Variants in NKAIN2 observed in about 807,000 individuals in gnomAD.
NKAIN2 encodes the protein sodium/potassium-transporting ATPase subunit beta-1-interacting protein 2.
In NKAIN2, 14 loss-of-function variants were observed where a neutral mutation model predicts 32.6. That is an observed-to-expected ratio of 0.43 (90% CI 0.28 to 0.67). The LOEUF (loss-of-function observed/expected upper bound fraction) is 0.67. NKAIN2 is among the 30% of genes least tolerant of loss of function. The pLI, the probability that NKAIN2 is intolerant of heterozygous loss-of-function variation, is 0.17. For synonymous variants in NKAIN2, 80 were observed against 87.2 expected (o/e 0.92, Z 0.46); for missense variants, 198 against 258.3 (o/e 0.77, Z 1.60).
chr6:124,625,114 GC>G (rs74452657), intron 3 of NKAIN2, among the ~76,000 whole-genome samples: 5 of 141,410 alleles, frequency 3.5e-5, no homozygotes, highest in Admixed American at 7.2e-5. Context: ...ATCTGTGTTT[GC>G]CCCCTGTCTT....
chr6:124,818,209 G>A (rs536156288), intron 5 of NKAIN2, among the ~76,000 whole-genome samples, 178 bp from the exon 6 acceptor site: 4 of 152,042 alleles, frequency 2.6e-5, no homozygotes, highest in Non-Finnish European at 4.4e-5. Flanking sequence ...GGGGGGCAGC[G>A]GAATCACTAC....
intron 4 of NKAIN2, among the ~76,000 whole-genome samples, chr6:124,708,747 A>G (rs887101361): frequency 9.2e-5 from 14 of 152,092 alleles, no homozygotes; most frequent in African/African-American, 1.7e-4. Context: ...GGCTGAGACA[A>G]TGGGGTTTTC....
chr6:124,345,965 G>C (rs1296352289), intron 2 of NKAIN2, among the ~76,000 whole-genome samples: 1 of 151,860 alleles, frequency 6.6e-6, no homozygotes, highest in Non-Finnish European at 1.5e-5. Context: ...TCTCTTCTGG[G>C]CATTTAGGGC....
intron 4 of NKAIN2, among the ~76,000 whole-genome samples, chr6:124,736,031 G>C (rs1240377522): frequency 1.3e-5 from 2 of 151,902 alleles, no homozygotes; most frequent in Non-Finnish European, 2.9e-5. Flanking sequence ...AGTCAAAACA[G>C]GATGAAAGCT....
At chr6:124,433,959 C>G (rs959477448) in intron 3 of NKAIN2, among the ~76,000 whole-genome samples, 2 of 152,152 alleles carry the variant, frequency 1.3e-5, no homozygotes. Context: ...TCACTGTCCT[C>G]CATTCTCATA....
intron 3 of NKAIN2, among the ~76,000 whole-genome samples, chr6:124,413,307 G>A (rs1774302174): frequency 6.6e-6 from 1 of 152,180 alleles, no homozygotes; most frequent in African/African-American, 2.4e-5. Context: ...TAAGTATGCA[G>A]ATTTTCAATT....
chr6:124,597,578 A>G (rs762695546), intron 3 of NKAIN2, among the ~76,000 whole-genome samples: 5 of 152,078 alleles, frequency 3.3e-5, no homozygotes, highest in East Asian at 1.9e-4. Flanking sequence ...ATTTGCTGCA[A>G]TGGAAAATGC....
chr6:124,672,598 G>A (rs141382132), intron 4 of NKAIN2, among the ~76,000 whole-genome samples: 1 of 152,138 alleles, frequency 6.6e-6, no homozygotes, highest in African/African-American at 2.4e-5. Flanking sequence ...CAGTTAGATT[G>A]ATCATTCATG....
intron 1 of NKAIN2, among the ~76,000 whole-genome samples, chr6:124,277,429 G>A (rs770098738): frequency 5.1e-5 from 3 of 58,820 alleles, no homozygotes; most frequent in Non-Finnish European, 8.5e-5. Context: ...TCTGTGTGTC[G>A]TGTGTGTGTG....
chr6:124,000,477 A>G (rs1779833787), intron 1 of NKAIN2, among the ~76,000 whole-genome samples: 1 of 152,084 alleles, frequency 6.6e-6, no homozygotes, highest in Non-Finnish European at 1.5e-5. Context: ...GAACTAACCA[A>G]TATACTTCAT....
At chr6:123,926,096 C>A (rs979596127) in intron 1 of NKAIN2, among the ~76,000 whole-genome samples, 1 of 152,132 alleles carries the variant, frequency 6.6e-6, no homozygotes, top group Non-Finnish European at 1.5e-5. Context: ...GGGCTATAAC[C>A]TCATGGCCTA....
intron 2 of NKAIN2, among the ~76,000 whole-genome samples, chr6:124,289,500 A>T (rs916281595): frequency 2.0e-5 from 3 of 152,206 alleles, no homozygotes; most frequent in Non-Finnish European, 4.4e-5. Flanking sequence ...TCATTTTGTA[A>T]AAAGATTACG....
intron 2 of NKAIN2, among the ~76,000 whole-genome samples, chr6:124,320,846 C>T (rs2626121): frequency 0.5 from 75,460 of 152,058 alleles, 22,599 homozygotes; most frequent in African/African-American, 0.85. Flanking sequence ...GGTTCTCAAG[C>T]AGCTAATTGC....
intron 1 of NKAIN2, among the ~76,000 whole-genome samples, chr6:123,929,058 G>T (rs1253188757): frequency 6.6e-6 from 1 of 152,154 alleles, no homozygotes; most frequent in Non-Finnish European, 1.5e-5. Context: ...TAGAAATTAG[G>T]ATTGTGGTTT....
chr6:123,863,763 ATTC>A (rs764141931), intron 1 of NKAIN2, among the ~76,000 whole-genome samples: 2 of 152,190 alleles, frequency 1.3e-5, no homozygotes, highest in East Asian at 3.9e-4. Flanking sequence ...GAGGGTAAAA[ATTC>A]TTCTCTCATC....
intron 3 of NKAIN2, among the ~76,000 whole-genome samples, chr6:124,603,944 T>C (rs1018477224): frequency 1.3e-5 from 2 of 152,054 alleles, no homozygotes; most frequent in African/African-American, 4.8e-5. Flanking sequence ...TTTGTCATCT[T>C]CTCAAGACTG....
intron 1 of NKAIN2, among the ~76,000 whole-genome samples, chr6:123,955,464 A>G (rs1017214954): frequency 6.6e-6 from 1 of 151,992 alleles, no homozygotes; most frequent in African/African-American, 2.4e-5. Flanking sequence ...TGCATGAGAC[A>G]CTATTCATTC....
intron 1 of NKAIN2, among the ~76,000 whole-genome samples, chr6:123,877,268 C>T (rs1018190209): frequency 4.6e-5 from 7 of 152,036 alleles, no homozygotes; most frequent in East Asian, 1.9e-4. Flanking sequence ...TTTTTAGTTT[C>T]TATTAAATTT....
chr6:124,144,256 A>AT (rs1370676207), intron 1 of NKAIN2, among the ~76,000 whole-genome samples: 2 of 152,202 alleles, frequency 1.3e-5, no homozygotes, highest in Admixed American at 1.3e-4. Flanking sequence ...GTCCTATCAT[A>AT]TGAGGGTACT....
Sources: gnomAD v4.1 joint callset for allele counts (sites outside exome capture counted in the v4.1 genomes callset) on GRCh38, gnomAD v4.1.1 for gene constraint, MANE v1.5 for transcripts, NCBI Gene and HGNC (gene_info 2026-07-23, HGNC 2026-07-21) for gene names.